The following SCTR variants were observed in gnomAD, a reference collection of about 807,000 sequenced individuals.
The protein encoded by SCTR is secretin receptor.
In SCTR, 56 loss-of-function variants were observed where a neutral mutation model predicts 60.8. The ratio of observed to expected loss-of-function variants is 0.92; its 90% CI spans 0.74 to 1.15. SCTR has a LOEUF of 1.15. Among genes scored for constraint, SCTR ranks in the 50% most tolerant of loss-of-function variants. The pLI is 0.00. For missense variants in SCTR, 562 were observed against 550.4 expected, an observed-to-expected ratio of 1.02 and a Z score of -0.21; for synonymous variants, 202 against 217.0, an observed-to-expected ratio of 0.93 and a Z score of 0.61.
intron 4 of SCTR, among the ~76,000 whole-genome samples, chr2:119,466,477 T>G (rs1683839324): frequency 1.3e-5 from 2 of 152,140 alleles, no homozygotes; most frequent in Non-Finnish European, 2.9e-5. Context: ...TCAGGTCGGG[T>G]GCGTTGGCTC....
intron 1 of SCTR, among the ~76,000 whole-genome samples, chr2:119,520,870 A>G (rs1283086768): frequency 2.0e-5 from 3 of 152,172 alleles, no homozygotes; most frequent in Non-Finnish European, 4.4e-5. Flanking sequence ...TGTTAGCCCT[A>G]TCTGTGTATC....
chr2:119,451,934 CCCTCTG>C, intron 9 of SCTR, 70 bp downstream of exon 9: 1 of 908,502 alleles, frequency 1.1e-6, no homozygotes, highest in Non-Finnish European at 1.8e-6. Flanking sequence ...TGTCCTTCCA[CCCTCTG>C]CCCCTGTGGG....
At chr2:119,452,761 C>T (rs1169862829) in intron 8 of SCTR, among the ~76,000 whole-genome samples, 1 of 152,152 alleles carries the variant, frequency 6.6e-6, no homozygotes, top group East Asian at 1.9e-4. Context: ...CCCATGCTGC[C>T]CCGCTGCCTC....
chr2:119,511,011 C>G (rs560746186), intron 1 of SCTR, among the ~76,000 whole-genome samples: 2 of 151,684 alleles, frequency 1.3e-5, no homozygotes, highest in Non-Finnish European at 2.9e-5. Flanking sequence ...TCCTGGCTAC[C>G]GCGGTGAAAC....
At chr2:119,475,646 T>TAA (rs1387238710) in intron 3 of SCTR, among the ~76,000 whole-genome samples, 1 of 146,562 alleles carries the variant, frequency 6.8e-6, no homozygotes, top group African/African-American at 2.5e-5. Flanking sequence ...ATTATATATA[T>TAA]AATATAAATA....
At chr2:119,446,300 G>C (rs1682922431) in intron 11 of SCTR, among the ~76,000 whole-genome samples, 1 of 152,044 alleles carries the variant, frequency 6.6e-6, no homozygotes, top group Non-Finnish European at 1.5e-5. Context: ...AAATATGCTG[G>C]TGTCGCCACT....
At chr2:119,471,468 A>G (rs745660285) in intron 4 of SCTR, among the ~76,000 whole-genome samples, 26 of 152,312 alleles carry the variant, frequency 1.7e-4, no homozygotes, top group South Asian at 4.1e-4. Flanking sequence ...CAATGGGATG[A>G]CAAGCCCTGG....
At chr2:119,479,390 A>G in intron 2 of SCTR, 1 of 456,142 alleles carries the variant, frequency 2.2e-6, no homozygotes, top group South Asian at 9.3e-5. Context: ...GGGTGGGCCC[A>G]GGCATCATGT....
intron 1 of SCTR, among the ~76,000 whole-genome samples, chr2:119,499,876 A>G (rs1243366790): frequency 6.6e-6 from 1 of 152,120 alleles, no homozygotes; most frequent in African/African-American, 2.4e-5. Flanking sequence ...TACTCTCACA[A>G]TTCTTATGCA....
At chr2:119,472,117 AG>A (rs981766885) in intron 4 of SCTR, among the ~76,000 whole-genome samples, 1 of 152,124 alleles carries the variant, frequency 6.6e-6, no homozygotes, top group African/African-American at 2.4e-5. Flanking sequence ...GTGCTCAGTG[AG>A]TGTTTGTGGA....
chr2:119,488,281 C>G (rs1677967140), intron 2 of SCTR, among the ~76,000 whole-genome samples: 1 of 152,214 alleles, frequency 6.6e-6, no homozygotes, highest in Non-Finnish European at 1.5e-5. Flanking sequence ...GCACGCTGGC[C>G]CTCCTTGGTT....
intron 1 of SCTR, among the ~76,000 whole-genome samples, chr2:119,521,534 C>T (rs899591420): frequency 6.6e-6 from 1 of 151,934 alleles, no homozygotes; most frequent in Non-Finnish European, 1.5e-5. Context: ...GGGGTGGGGC[C>T]GCAGAGGGGG....
intron 5 of SCTR, among the ~76,000 whole-genome samples, chr2:119,465,218 T>C (rs766493580): frequency 2.0e-5 from 3 of 152,216 alleles, no homozygotes; most frequent in Non-Finnish European, 4.4e-5. Flanking sequence ...GAAGAGGCTC[T>C]TGTTGGCCCT....
At chr2:119,467,877 T>A (rs773700387) in intron 4 of SCTR, among the ~76,000 whole-genome samples, 4 of 152,334 alleles carry the variant, frequency 2.6e-5, no homozygotes, top group Non-Finnish European at 4.4e-5. Context: ...GCAATGTGAT[T>A]CCAGCTATAT....
At chr2:119,453,805 G>A (rs965128969) in intron 7 of SCTR, among the ~76,000 whole-genome samples, 1 of 152,130 alleles carries the variant, frequency 6.6e-6, no homozygotes, top group African/African-American at 2.4e-5. Flanking sequence ...TCAAATATTG[G>A]TTTGTAAAAA....
chr2:119,516,567 T>G, intron 1 of SCTR, among the ~76,000 whole-genome samples: 5 of 146,516 alleles, frequency 3.4e-5, no homozygotes, highest in Admixed American at 6.9e-5. Context: ...TGGGAGGGGG[T>G]GGGAATGGAG....
intron 2 of SCTR, among the ~76,000 whole-genome samples, chr2:119,492,106 T>C (rs1357847195): frequency 6.6e-6 from 1 of 152,226 alleles, no homozygotes; most frequent in East Asian, 1.9e-4. Context: ...GAGTTTCTTC[T>C]ACTTCCTGCC....
intron 1 of SCTR, among the ~76,000 whole-genome samples, chr2:119,510,549 C>G (rs1678899002): frequency 6.6e-6 from 1 of 151,928 alleles, no homozygotes; most frequent in Non-Finnish European, 1.5e-5. Flanking sequence ...GAGAGGCTGA[C>G]ATTTAGTAGC....
At chr2:119,480,470 C>T (rs1399788570) in intron 2 of SCTR, among the ~76,000 whole-genome samples, 1 of 152,174 alleles carries the variant, frequency 6.6e-6, no homozygotes, top group African/African-American at 2.4e-5. Flanking sequence ...CAGGTCCCTC[C>T]CATGACACAT....
Sources: allele counts gnomAD v4.1 joint callset (sites outside exome capture counted in the v4.1 genomes callset), GRCh38; gene constraint gnomAD v4.1.1; transcripts MANE v1.5; gene names NCBI Gene and HGNC (gene_info 2026-07-23, HGNC 2026-07-21).